LIPT2: variants seen among roughly 807,000 people sequenced by gnomAD.
LIPT2 encodes octanoyl-[acyl-carrier-protein]:protein N-octanoyltransferase LIPT2, mitochondrial.
A neutral mutation model predicts 16.2 loss-of-function variants in LIPT2; 16 were observed. The observed-to-expected ratio is 0.99, with a 90% confidence interval of 0.67 to 1.50. The LOEUF (loss-of-function observed/expected upper bound fraction) is 1.50. LIPT2 is among the 40% of genes most tolerant of loss of function. The pLI, the probability that LIPT2 is intolerant of heterozygous loss-of-function variation, is 0.00. For missense variants in LIPT2, 424 were observed against 347.7 expected, an observed-to-expected ratio of 1.22 and a Z score of -1.75; for synonymous variants, 199 against 169.3, an observed-to-expected ratio of 1.18 and a Z score of -1.36.
chr11:74,493,249 A>G lies in LIPT2; in HGVS notation c.455T>C (p.Ile152Thr). 7.4e-7 allele frequency: 1 copy of G among 1,352,118 alleles called. No individual in the cohort carries two copies. Among genetic ancestry groups the G allele is most frequent in the Non-Finnish European group, 9.5e-7 (1 of 1,053,228 alleles). The allele number at this position is 1,352,118 out of a possible 1,614,324, so 83.8% of individuals were successfully genotyped here. A position where few individuals can be genotyped will look rare whatever the true frequency, so the allele number is the denominator to read the frequency against. ...TCCGCGGCGCTCACCGATCGCGCAGATCTTGCGATCGTCTAGCCAGACGCC... is the reference window on the plus strand; with the variant it reads ...TCCGCGGCGCTCACCGATCGCGCAGGTCTTGCGATCGTCTAGCCAGACGCC... ...YTGVWLDDRK[I>T]CAIGVRCGRH... Residue 152 changes from isoleucine to threonine, a missense_variant, in exon 1 of 2, where the codon ATC (isoleucine) becomes ACC (threonine). Ile to Thr is a moderately conservative substitution (Grantham distance 89, BLOSUM62 -1). Transcript: ENST00000310109.
rs1420747544 is a variant in LIPT2 at position 74,493,533 on chromosome 11, A to T, written c.171T>A (p.Tyr57Ter). 2.1e-6 allele frequency: 3 copies of T among 1,422,120 alleles called. No individual in the cohort carries two copies. The highest frequency in any genetic ancestry group is 2.7e-6 in the Non-Finnish European group (3 of 1,093,480). 88.1% of individuals were successfully genotyped at this position (1,422,120 alleles called of 1,614,324 possible). ...LLLCEPAGPV[Y>*]TAGLRGGLTP... is the part of the protein sequence containing the mutation. Reference sequence around the variant, plus strand: ...TCAGGCCGCCGCGCAGCCCGGCCGTATACACGGGCCCCGCGGGCTCGCAGA... The same window carrying T: ...TCAGGCCGCCGCGCAGCCCGGCCGTTTACACGGGCCCCGCGGGCTCGCAGA... The change falls in exon 1 of 2, where the codon TAT (tyrosine) becomes TAA (stop). Residue 57 changes from tyrosine to a stop codon, truncating the protein, a stop_gained. Coordinates refer to ENST00000310109, the MANE Select transcript of LIPT2 (RefSeq NM_001144869.3). LOFTEE classifies it high-confidence loss of function.
Position 74,492,265 on chromosome 11 carries a change from C to T in LIPT2, c.566G>A (p.Gly189Glu). 1 of 1,551,772 alleles carries T rather than the reference C, an allele frequency of 6.4e-7. No individual in the cohort carries two copies. The highest frequency in any genetic ancestry group is 8.7e-7 in the Non-Finnish European group (1 of 1,147,010). Residue 189 changes from glycine to glutamate, a missense_variant, in exon 2 of 2, where the codon GGG becomes GAG. Physicochemically the swap from Gly to Glu is moderately conservative, Grantham distance 98. Transcript: ENST00000310109. The stretch of plus-strand genomic sequence containing the variant: ...CTTACTCAAGGAAGTGACGCCTGTC[C>T]CAACCAGTCCACAGGGCACGATGTG... ...FEHIVPCGLVGTGVTSLSKEL... is the reference protein window; with the variant it reads ...FEHIVPCGLVETGVTSLSKEL...
chr11:74,492,060 T>C lies in LIPT2; in HGVS notation c.*75A>G, dbSNP rs1427323735. 9.0e-7 allele frequency: 1 copy of C among 1,108,730 alleles called. No homozygotes were observed. The highest frequency in any genetic ancestry group is 1.3e-6 in the Non-Finnish European group (1 of 749,940). 68.7% of individuals were successfully genotyped at this position (1,108,730 alleles called of 1,614,324 possible). On this transcript the variant is annotated 3_prime_UTR_variant, in exon 2 of 2. Coordinates refer to ENST00000310109, the MANE Select transcript of LIPT2 (RefSeq NM_001144869.3). ...TGAATGACAGGCCAGGTCTAAAATC[T>C]GGGTTTCAGTAGGTGACTCAAGTCA...
In LIPT2 at chr11:74,492,172, T is replaced by C. The variant is rs1180122693; in HGVS notation, c.659A>G (p.Tyr220Cys). Residue 220 changes from tyrosine (Y) to cysteine (C), a missense_variant, in exon 2 of 2, where the codon TAC (tyrosine) becomes TGC (cysteine). Physicochemically the swap from Tyr to Cys is radical, Grantham distance 194. Coordinates refer to ENST00000310109, the MANE Select transcript of LIPT2 (RefSeq NM_001144869.3). Reference protein sequence around the residue: ...PPFLVAFKEIYKCTLISEDSP... With the variant: ...PPFLVAFKEICKCTLISEDSP... ...GTCCTCTGAGATCAGTGTGCACTTG[T>C]AGATCTCCTTAAAGGCCACAAGGAA... 6.4e-7 allele frequency: 1 copy of C among 1,551,492 alleles called. No individual in the cohort carries two copies. The highest frequency in any genetic ancestry group is 1.4e-5 in the African/African-American group (1 of 73,022).
rs1864400885 is a variant in LIPT2 at position 74,493,470 on chromosome 11, G to C, written c.234C>G (p.Ala78=). The C allele has an allele frequency of 6.7e-7, 1 of 1,482,966 alleles. No homozygotes were observed. The highest frequency in any genetic ancestry group is 1.3e-5 in the South Asian group (1 of 78,550). 91.9% of individuals were successfully genotyped at this position (1,482,966 alleles called of 1,614,324 possible). ...CACCGCGGCCTGTGACGCGCACCTC[G>C]GCGCCCAAGGCCCGTAGCCGCGCAG... ...EETARLRALG[A]EVRVTGRGGL... is the part of the protein sequence containing the mutation. The change falls in exon 1 of 2, where the codon GCC becomes GCG. Residue 78 remains alanine, a synonymous_variant. Transcript: ENST00000310109.
Position 74,491,982 on chromosome 11 carries a change from C to A in LIPT2, c.*153G>T. 1.6e-6 allele frequency: 1 copy of A among 611,594 alleles called. No homozygotes were observed. The highest frequency in any genetic ancestry group is 2.9e-6 in the Non-Finnish European group (1 of 340,366). 37.9% of individuals were successfully genotyped at this position (611,594 alleles called of 1,614,324 possible). A position where few individuals can be genotyped will look rare whatever the true frequency, so the allele number is the denominator to read the frequency against. Reference sequence around the variant, plus strand: ...GGGAAGATATAAATAAAACAGGATACATATGAAAATAGTGGCTCAGAGCTC... The same window carrying A: ...GGGAAGATATAAATAAAACAGGATAAATATGAAAATAGTGGCTCAGAGCTC... On this transcript the variant is annotated 3_prime_UTR_variant, in exon 2 of 2. Transcript: ENST00000310109.
chr11:74,492,241 T>G lies in LIPT2; in HGVS notation c.590A>C (p.Lys197Thr). ...LVGTGVTSLS[K>T]ELQRHVTVEE... ...CACGGTGACGTGCCTCTGGAGCTCC[T>G]TACTCAAGGAAGTGACGCCTGTCCC... Residue 197 changes from lysine (K) to threonine (T), a missense_variant, in exon 2 of 2, where the codon AAG (lysine) becomes ACG (threonine). Lys to Thr is a moderately conservative substitution (Grantham distance 78). Transcript: ENST00000310109. 1 of 1,551,650 alleles carries G rather than the reference T, an allele frequency of 6.4e-7. No homozygotes were observed. Among genetic ancestry groups the G allele is most frequent in the Non-Finnish European group, 8.7e-7 (1 of 1,146,940 alleles).
rs1461243033 is a variant in LIPT2 at position 74,492,082 on chromosome 11, G to C, written c.*53C>G. 1.0e-5 allele frequency: 15 copies of C among 1,436,178 alleles called. No individual in the cohort carries two copies. The highest frequency in any genetic ancestry group is 1.4e-5 in the Non-Finnish European group (15 of 1,043,436). The allele number at this position is 1,436,178 out of a possible 1,614,324, so 89.0% of individuals were successfully genotyped here. A position where few individuals can be genotyped will look rare whatever the true frequency, so the allele number is the denominator to read the frequency against. On this transcript the variant is annotated 3_prime_UTR_variant, in exon 2 of 2. Transcript: ENST00000310109. ...ATCTGGGTTTCAGTAGGTGACTCAA[G>C]TCAGACTTCATGCTTCCCAAGGCAG...
Position 74,493,674 on chromosome 11 carries a change from G to A in LIPT2, c.30C>T (p.Arg10=). 1 of 1,414,688 alleles carries A rather than the reference G, an allele frequency of 7.1e-7. No individual in the cohort carries two copies. Among genetic ancestry groups the A allele is most frequent in the Non-Finnish European group, 9.2e-7 (1 of 1,090,752 alleles). The allele number at this position is 1,414,688 out of a possible 1,614,324, so 87.6% of individuals were successfully genotyped here. A position where few individuals can be genotyped will look rare whatever the true frequency, so the allele number is the denominator to read the frequency against. The change falls in exon 1 of 2, where the codon CGC becomes CGT. Residue 10 remains arginine, a synonymous_variant. Coordinates refer to ENST00000310109, the MANE Select transcript of LIPT2 (RefSeq NM_001144869.3). MRQPAVRLV[R]LGRVPYAELL... ...GCTCGGCGTACGGCACCCGACCCAG[G>A]CGCACCAACCGAACGGCGGGTTGCC... is the stretch of plus-strand genomic sequence containing the variant.
In LIPT2 at chr11:74,491,465, A is replaced by G. The variant is rs1014878562; in HGVS notation, c.*670T>C. Among the ~76,000 whole-genome samples, 1 of 152,366 alleles carries G rather than the reference A, an allele frequency of 6.6e-6. No individual in the cohort carries two copies. ...AGCCTTACAAATTTAGAGGTCTCAT[A>G]TAAGAAAAACTCACTTCTATCTTTG... On this transcript the variant is annotated 3_prime_UTR_variant, in exon 2 of 2. Transcript: ENST00000310109.
In LIPT2 at chr11:74,493,199, CCTCGGCTCTCAGGTACCGCCCTGCTCCG is replaced by C; in HGVS notation, c.466+11_466+38del. 7.7e-7 allele frequency: 1 copy of C among 1,306,140 alleles called. No homozygotes were observed. The allele number at this position is 1,306,140 out of a possible 1,614,324, so 80.9% of individuals were successfully genotyped here. ...CCCGCCCCCAGGCCTCAAGCTCCGACCTCGGCTCTCAGGTACCGCCCTGCTCCGCGGCGCTCACCGATCGCGCAGATCT... is the reference window on the plus strand; with the variant it reads ...CCCGCCCCCAGGCCTCAAGCTCCGACCGGCGCTCACCGATCGCGCAGATCT... On this transcript the variant is annotated intron_variant, in intron 1 of 1. Coordinates refer to ENST00000310109, the MANE Select transcript of LIPT2 (RefSeq NM_001144869.3).
At position 74,493,699 on chromosome 11, in the gene LIPT2, C is replaced by G; in HGVS notation, c.5G>C (p.Arg2Pro). 1 of 1,377,526 alleles carries G rather than the reference C, an allele frequency of 7.3e-7. No individual in the cohort carries two copies. The highest frequency in any genetic ancestry group is 9.3e-7 in the Non-Finnish European group (1 of 1,071,436). The allele number at this position is 1,377,526 out of a possible 1,614,324, so 85.3% of individuals were successfully genotyped here. A position where few individuals can be genotyped will look rare whatever the true frequency, so the allele number is the denominator to read the frequency against. The change falls in exon 1 of 2, where the codon CGG becomes CCG. Residue 2 changes from arginine (R) to proline (P), a missense_variant. By Grantham distance (103) the Arg-to-Pro change is moderately radical (BLOSUM62 -2). Transcript: ENST00000310109. M[R>P]QPAVRLVRLG... ...GCGCACCAACCGAACGGCGGGTTGC[C>G]GCATCGTGCCCACCGTTGCGTCCGC...
chr11:74,492,175 A>G lies in LIPT2; in HGVS notation c.656T>C (p.Ile219Thr). 1 of 1,551,604 alleles carries G rather than the reference A, an allele frequency of 6.4e-7. No individual in the cohort carries two copies. Among genetic ancestry groups the G allele is most frequent in the Non-Finnish European group, 8.7e-7 (1 of 1,146,964 alleles). ...CTCTGAGATCAGTGTGCACTTGTAG[A>G]TCTCCTTAAAGGCCACAAGGAAAGG... ...MPPFLVAFKE[I>T]YKCTLISEDS... is the part of the protein sequence containing the mutation. Residue 219 changes from isoleucine to threonine, a missense_variant, in exon 2 of 2, where the codon ATC (isoleucine) becomes ACC (threonine). Physicochemically the swap from Ile to Thr is moderately conservative, Grantham distance 89. Coordinates refer to ENST00000310109, the MANE Select transcript of LIPT2 (RefSeq NM_001144869.3).
chr11:74,491,479 C>G lies in LIPT2; in HGVS notation c.*656G>C, dbSNP rs1864333572. Among the ~76,000 whole-genome samples, 1 of 152,232 alleles carries G rather than the reference C, an allele frequency of 6.6e-6. No homozygotes were observed. The highest frequency in any genetic ancestry group is 6.5e-5 in the Admixed American group (1 of 15,284). ...AGAGGTCTCATATAAGAAAAACTCA[C>G]TTCTATCTTTGGCATTTGTACAGTG... On this transcript the variant is annotated 3_prime_UTR_variant, in exon 2 of 2. Coordinates refer to ENST00000310109, the MANE Select transcript of LIPT2 (RefSeq NM_001144869.3).
rs1299672311 is a variant in LIPT2, at chr11:74,492,266, C to G, written c.565G>C (p.Gly189Arg). ...FEHIVPCGLV[G>R]TGVTSLSKEL... Reference sequence around the variant, plus strand: ...TTACTCAAGGAAGTGACGCCTGTCCCAACCAGTCCACAGGGCACGATGTGC... The same window carrying G: ...TTACTCAAGGAAGTGACGCCTGTCCGAACCAGTCCACAGGGCACGATGTGC... The change falls in exon 2 of 2, where the codon GGG becomes CGG. Residue 189 changes from glycine to arginine, a missense_variant. Physicochemically the swap from Gly to Arg is moderately radical, Grantham distance 125. Coordinates refer to ENST00000310109, the MANE Select transcript of LIPT2 (RefSeq NM_001144869.3). 4 of 1,551,656 alleles carry G rather than the reference C, an allele frequency of 2.6e-6. No homozygotes were observed. The highest frequency in any genetic ancestry group is 3.5e-6 in the Non-Finnish European group (4 of 1,147,004).
chr11:74,493,595 C>T lies in LIPT2; in HGVS notation c.109G>A (p.Glu37Lys), dbSNP rs938327414. The stretch of plus-strand genomic sequence containing the variant: ...CCCGCCTCAGTCCCCGACGGGGCCT[C>T]AATGCCTGGCTCGGCCTGCAGCCGC... Reference protein sequence around the residue: ...LRRLQAEPGIEAPSGTEAGAL... With the variant: ...LRRLQAEPGIKAPSGTEAGAL... Residue 37 changes from glutamate (E) to lysine (K), a missense_variant, in exon 1 of 2, where the codon GAG becomes AAG. Physicochemically the swap from Glu to Lys is moderately conservative, Grantham distance 56. Coordinates refer to ENST00000310109, the MANE Select transcript of LIPT2 (RefSeq NM_001144869.3). 2.1e-6 allele frequency: 3 copies of T among 1,455,466 alleles called. No homozygotes were observed. Among genetic ancestry groups the T allele is most frequent in the African/African-American group, 2.9e-5 (2 of 67,882 alleles). 90.2% of individuals were successfully genotyped at this position (1,455,466 alleles called of 1,614,324 possible).
chr11:74,493,623 C>T lies in LIPT2; in HGVS notation c.81G>A (p.Leu27=). The change falls in exon 1 of 2, where the codon CTG becomes CTA. Residue 27 remains leucine, a synonymous_variant. Transcript: ENST00000310109. Reference sequence around the variant, plus strand: ...TGCCTGGCTCGGCCTGCAGCCGCCGCAGCCAGCGGTCCTGCAGCCCCAGTA... The same window carrying T: ...TGCCTGGCTCGGCCTGCAGCCGCCGTAGCCAGCGGTCCTGCAGCCCCAGTA... ...AELLGLQDRW[L]RRLQAEPGIE... The T allele has an allele frequency of 6.9e-7, 1 of 1,457,864 alleles. No individual in the cohort carries two copies. Among genetic ancestry groups the T allele is most frequent in the Non-Finnish European group, 9.0e-7 (1 of 1,111,122 alleles). 90.3% of individuals were successfully genotyped at this position (1,457,864 alleles called of 1,614,324 possible). A position where few individuals can be genotyped will look rare whatever the true frequency, so the allele number is the denominator to read the frequency against.
rs1007474993 is a variant in LIPT2 at position 74,492,359 on chromosome 11, G to C, written c.472C>G (p.Arg158Gly). 9 of 1,550,680 alleles carry C rather than the reference G, an allele frequency of 5.8e-6. No individual in the cohort carries two copies. Among genetic ancestry groups the C allele is most frequent in the Non-Finnish European group, 4.4e-6 (5 of 1,146,056 alleles). The change falls in exon 2 of 2, where the codon CGC becomes GGC. Residue 158 changes from arginine (R) to glycine (G), a missense_variant. Arg to Gly is a moderately radical substitution (Grantham distance 125). Coordinates refer to ENST00000310109, the MANE Select transcript of LIPT2 (RefSeq NM_001144869.3). Reference protein sequence around the residue: ...DDRKICAIGVRCGRHITSHGL... With the variant: ...DDRKICAIGVGCGRHITSHGL... ...TGGGATGTGATGTGCCTTCCACAGC[G>C]GACTCCTGCAAGGCAAGCCAAAGGG...
Position 74,493,225 on chromosome 11 carries a change from C to T in LIPT2, c.466+13G>A. On this transcript the variant is annotated intron_variant, in intron 1 of 1. Coordinates refer to ENST00000310109, the MANE Select transcript of LIPT2 (RefSeq NM_001144869.3). The stretch of plus-strand genomic sequence containing the variant: ...CTCGGCTCTCAGGTACCGCCCTGCT[C>T]CGCGGCGCTCACCGATCGCGCAGAT... The T allele has an allele frequency of 7.4e-7, 1 of 1,343,346 alleles. No individual in the cohort carries two copies. Among genetic ancestry groups the T allele is most frequent in the African/African-American group, 1.5e-5 (1 of 65,426 alleles). 83.2% of individuals were successfully genotyped at this position (1,343,346 alleles called of 1,614,324 possible).
Sources: allele counts gnomAD v4.1 joint callset (sites outside exome capture counted in the v4.1 genomes callset), GRCh38; gene constraint gnomAD v4.1.1; transcripts MANE v1.5; gene names NCBI Gene and HGNC (gene_info 2026-07-23, HGNC 2026-07-21).